The following INCENP variants were observed in gnomAD, a reference collection of about 807,000 sequenced individuals.
INCENP encodes the protein inner centromere protein.
Under a neutral mutation model 107.3 loss-of-function variants are expected in INCENP, and 43 were observed. That is an observed-to-expected ratio of 0.40 (90% CI 0.31 to 0.52). The LOEUF (loss-of-function observed/expected upper bound fraction) is 0.52. INCENP is among the 20% of genes least tolerant of loss of function. INCENP has a pLI of 0.53. For missense variants in INCENP, 1,089 were observed against 1,250.9 expected, an observed-to-expected ratio of 0.87 and a Z score of 1.95; for synonymous variants, 488 against 494.4, an observed-to-expected ratio of 0.99 and a Z score of 0.17.
At chr11:62,149,486 T>C (rs1468201585) in intron 17 of INCENP, among the ~76,000 whole-genome samples, 2 of 152,214 alleles carry the variant, frequency 1.3e-5, no homozygotes, top group Non-Finnish European at 2.9e-5. Flanking sequence ...CTGTCAATGA[T>C]GGATGGTTAC....
chr11:62,132,627 G>C (rs865851541), intron 4 of INCENP, among the ~76,000 whole-genome samples: 2 of 152,200 alleles, frequency 1.3e-5, no homozygotes, highest in African/African-American at 4.8e-5. Context: ...GGCCAGGCAG[G>C]GTTGCAGAGA....
chr11:62,128,714 G>C, intron 2 of INCENP, 56 bp from the exon 3 acceptor site: 1 of 1,230,078 alleles, frequency 8.1e-7, no homozygotes, highest in East Asian at 2.3e-5. Flanking sequence ...CTGGGTGGGA[G>C]AGGGGACCAG....
intron 1 of INCENP, among the ~76,000 whole-genome samples, 200 bp downstream of exon 1, chr11:62,124,363 C>T (rs986959357): frequency 1.1e-4 from 16 of 152,224 alleles, no homozygotes; most frequent in African/African-American, 3.9e-4. Flanking sequence ...CCACCCTTTC[C>T]ACCTAGGCCC....
chr11:62,126,118 C>G (rs377249020), intron 1 of INCENP, among the ~76,000 whole-genome samples: 1 of 152,148 alleles, frequency 6.6e-6, no homozygotes, highest in African/African-American at 2.4e-5. Context: ...TGGTGCTACG[C>G]CCTGTGAGGG....
intron 4 of INCENP, among the ~76,000 whole-genome samples, chr11:62,131,645 C>G (rs1943895743): frequency 6.6e-6 from 1 of 152,124 alleles, no homozygotes; most frequent in South Asian, 2.1e-4. Flanking sequence ...TTGAACTTGA[C>G]CCCACTGAAG....
At position 62,130,188 on chromosome 11, in the gene INCENP, A is replaced by G; in HGVS notation, c.661A>G (p.Lys221Glu). 6.2e-7 allele frequency: 1 copy of G among 1,613,940 alleles called. No individual in the cohort carries two copies. Among genetic ancestry groups the G allele is most frequent in the Non-Finnish European group, 8.5e-7 (1 of 1,180,020 alleles). Residue 221 changes from lysine to glutamate, a missense_variant, in exon 4 of 19, where the codon AAG (lysine) becomes GAG (glutamate). By Grantham distance (56) the Lys-to-Glu change is moderately conservative. Coordinates refer to ENST00000394818, the MANE Select transcript of INCENP (RefSeq NM_001040694.2). ...GACATCAGATGAGGAATCAACACCT[A>G]AGAAGTCGAAGGCCAGGATACTGGA... ...IPTSDEESTP[K>E]KSKARILESI...
At chr11:62,127,651 C>T (rs764678470) in intron 1 of INCENP, among the ~76,000 whole-genome samples, 2 of 152,196 alleles carry the variant, frequency 1.3e-5, no homozygotes, top group African/African-American at 2.4e-5. Context: ...GGCCTGATGT[C>T]TGGAGTCAGC....
intron 1 of INCENP, among the ~76,000 whole-genome samples, chr11:62,126,225 T>G (rs1023399378): frequency 1.5e-5 from 2 of 137,560 alleles, no homozygotes; most frequent in African/African-American, 5.7e-5. Flanking sequence ...AGATAGAGTC[T>G]CCCTCTGTTG....
At chr11:62,139,186 G>A (rs1944058877) in intron 7 of INCENP, among the ~76,000 whole-genome samples, 181 bp downstream of exon 7, 1 of 152,200 alleles carries the variant, frequency 6.6e-6, no homozygotes, top group Non-Finnish European at 1.5e-5. Flanking sequence ...TCCCACCGTT[G>A]GGCTGGAGCT....
chr11:62,135,392 G>A (rs1943972263), intron 4 of INCENP, among the ~76,000 whole-genome samples: 1 of 151,882 alleles, frequency 6.6e-6, no homozygotes, highest in African/African-American at 2.4e-5. Flanking sequence ...TCAGCCTCCC[G>A]AGTAGCTGGG....
In INCENP at chr11:62,129,845, T is replaced by C; in HGVS notation, c.318T>C (p.Ser106=). Residue 106 remains serine, a synonymous_variant, in exon 4 of 19, where the codon AGT becomes AGC. Transcript: ENST00000394818. ...LSSRRLRSKD[S]VEKLATVVGE... ...CCCGACGCCTCCGCAGCAAGGACAG[T>C]GTAGAGAAGCTGGCTACAGTGGTCG... 1.2e-6 allele frequency: 2 copies of C among 1,612,888 alleles called. No homozygotes were observed. The highest frequency in any genetic ancestry group is 1.7e-6 in the Non-Finnish European group (2 of 1,179,990).
At position 62,128,821 on chromosome 11, in the gene INCENP, C is replaced by G; in HGVS notation, c.192C>G (p.Asn64Lys). 6.2e-7 allele frequency: 1 copy of G among 1,614,148 alleles called. No homozygotes were observed. ...TGCCCAAAACACCTTCTCAGAAGAA[C>G]CGACGGAAGAAGAGACGGATTTCTT... ...ELMPKTPSQK[N>K]RRKKRRISYV... The change falls in exon 3 of 19, where the codon AAC becomes AAG. Residue 64 changes from asparagine to lysine, a missense_variant. Transcript: ENST00000394818.
chr11:62,146,286 GC>G (rs1015404983), intron 14 of INCENP, among the ~76,000 whole-genome samples: 1 of 152,178 alleles, frequency 6.6e-6, no homozygotes, highest in Non-Finnish European at 1.5e-5. Context: ...TGTGTGCTAG[GC>G]CCTGCTGTGT....
intron 3 of INCENP, among the ~76,000 whole-genome samples, chr11:62,129,263 C>T (rs1334871576): frequency 6.6e-6 from 1 of 152,142 alleles, no homozygotes; most frequent in Non-Finnish European, 1.5e-5. Context: ...TGTTTTAGTC[C>T]CCCTCAGGAA....
rs369422672 is a variant in INCENP, at chr11:62,146,838, G to A, written c.2140G>A (p.Glu714Lys). ...EQERREQERR[E>K]QERQLAEQER... The stretch of plus-strand genomic sequence containing the variant: ...GGAGCGGCGGGAGCAGGAGCGGCGC[G>A]AGCAGGAGCGACAGCTGGCAGAGCA... The change falls in exon 15 of 19, where the codon GAG becomes AAG. Residue 714 changes from glutamate to lysine, a missense_variant. Physicochemically the swap from Glu to Lys is moderately conservative, Grantham distance 56. Coordinates refer to ENST00000394818, the MANE Select transcript of INCENP (RefSeq NM_001040694.2). 11 of 1,556,876 alleles carry A rather than the reference G, an allele frequency of 7.1e-6. No individual in the cohort carries two copies. The highest frequency in any genetic ancestry group is 5.5e-5 in the African/African-American group (4 of 73,066).
At chr11:62,141,837 G>T (rs1944131656) in intron 11 of INCENP, 4 of 480,682 alleles carry the variant, frequency 8.3e-6, no homozygotes, top group Non-Finnish European at 3.8e-6. Flanking sequence ...CCCCGTCAGG[G>T]TCTGTGGGTC....
chr11:62,146,675 G>T lies in INCENP; in HGVS notation c.1977G>T (p.Arg659=). The T allele has an allele frequency of 6.4e-7, 1 of 1,550,838 alleles. No individual in the cohort carries two copies. Residue 659 remains arginine (R), a synonymous_variant, in exon 15 of 19, where the codon CGG becomes CGT. Coordinates refer to ENST00000394818, the MANE Select transcript of INCENP (RefSeq NM_001040694.2). The part of the protein sequence containing the change: ...RWLQQEEEER[R]HQELLQKKKE... ...TGTTTCAGGAGGAGGAAGAGCGGCG[G>T]CACCAAGAGCTGCTGCAGAAGAAGA...
At chr11:62,137,060 T>G (rs1590614630) in intron 4 of INCENP, among the ~76,000 whole-genome samples, 1 of 152,084 alleles carries the variant, frequency 6.6e-6, no homozygotes, top group East Asian at 1.9e-4. Context: ...GCTTTTAAAA[T>G]TCTCTGCTCT....
At chr11:62,142,423 G>C (rs1433586920) in intron 11 of INCENP, among the ~76,000 whole-genome samples, 1 of 152,226 alleles carries the variant, frequency 6.6e-6, no homozygotes, top group Non-Finnish European at 1.5e-5. Flanking sequence ...GAGCCCTGCA[G>C]GTCTCACAGG....
Sources: allele counts gnomAD v4.1 joint callset (sites outside exome capture counted in the v4.1 genomes callset), GRCh38; gene constraint gnomAD v4.1.1; transcripts MANE v1.5; gene names NCBI Gene and HGNC (gene_info 2026-07-23, HGNC 2026-07-21).